The following CSF2RB variants were observed in gnomAD, a reference collection of about 807,000 sequenced individuals.
CSF2RB encodes colony stimulating factor 2 receptor subunit beta, also known as cytokine receptor common subunit beta.
In CSF2RB, 22 loss-of-function variants were observed where a neutral mutation model predicts 67.2. That is an observed-to-expected ratio of 0.33 (90% CI 0.23 to 0.47). The LOEUF is 0.47. Among genes scored for constraint, CSF2RB ranks in the 20% least tolerant of loss-of-function variants. CSF2RB has a pLI of 1.00. For missense variants in CSF2RB, 1,113 were observed against 1,174.5 expected, an observed-to-expected ratio of 0.95 and a Z score of 0.76; for synonymous variants, 507 against 482.9, an observed-to-expected ratio of 1.05 and a Z score of -0.65.
At chr22:36,928,386 G>A (rs912552820) in intron 4 of CSF2RB, among the ~76,000 whole-genome samples, 2 of 152,162 alleles carry the variant, frequency 1.3e-5, no homozygotes, top group Non-Finnish European at 1.5e-5. Flanking sequence ...GGCTGGGAGT[G>A]CAGTGACCCA....
In CSF2RB at chr22:36,922,382, C is replaced by T. The variant is rs773530371; in HGVS notation, c.76+99C>T. The T allele has an allele frequency of 1.8e-5, 21 of 1,141,910 alleles. 1 individual carries two copies. The highest frequency in any genetic ancestry group is 2.4e-5 in the Non-Finnish European group (19 of 780,822). The allele number at this position is 1,141,910 out of a possible 1,614,324, so 70.7% of individuals were successfully genotyped here. A position where few individuals can be genotyped will look rare whatever the true frequency, so the allele number is the denominator to read the frequency against. On this transcript the variant is annotated intron_variant, in intron 2 of 13. Transcript: ENST00000403662. Reference sequence around the variant, plus strand: ...ATCCTCAGGATCCTGCCCGCCAGCCCTCCTCCTGCTCCCCTCCCTCTGTCT... The same window carrying T: ...ATCCTCAGGATCCTGCCCGCCAGCCTTCCTCCTGCTCCCCTCCCTCTGTCT...
chr22:36,935,413 C>T lies in CSF2RB; in HGVS notation c.1378C>T (p.Leu460Phe), dbSNP rs139657532. Residue 460 changes from leucine (L) to phenylalanine (F), a missense_variant, in exon 11 of 14, where the codon CTC becomes TTC. Coordinates refer to ENST00000403662, the MANE Select transcript of CSF2RB (RefSeq NM_000395.3). ...IFLTIAVLLA[L>F]RFCGIYGYRL... ...CCTCACCATCGCTGTGCTCCTGGCC[C>T]TCCGCTTCTGTGGCATCTACGGGTA... 2.5e-6 allele frequency: 4 copies of T among 1,614,222 alleles called. No individual in the cohort carries two copies. The South Asian group carries it at 3.3e-5, about 13-fold the overall frequency.
intron 12 of CSF2RB, 135 bp from the exon 13 acceptor site, chr22:36,936,414 G>T (rs1941266736): frequency 2.7e-6 from 2 of 736,552 alleles, no homozygotes; most frequent in Non-Finnish European, 4.8e-6. Flanking sequence ...AAAGGCCGTG[G>T]CCAGTCCTGA....
chr22:36,922,575 C>T (rs1940903505), intron 2 of CSF2RB: 1 of 551,106 alleles, frequency 1.8e-6, no homozygotes, highest in Non-Finnish European at 3.3e-6. Context: ...CGTTTCCCTG[C>T]CCCTCCTTCC....
chr22:36,921,491 G>T (rs1405145567), intron 1 of CSF2RB, among the ~76,000 whole-genome samples: 2 of 152,006 alleles, frequency 1.3e-5, no homozygotes, highest in South Asian at 2.1e-4. Flanking sequence ...GTTTGCATGG[G>T]CATCTTGAGT....
chr22:36,925,853 A>G, intron 3 of CSF2RB, 134 bp from the exon 4 acceptor site: 1 of 966,120 alleles, frequency 1.0e-6, no homozygotes, highest in Non-Finnish European at 1.6e-6. Flanking sequence ...CTCCGTGGGC[A>G]GGATTTTTGT....
chr22:36,930,305 C>T (rs1006942388), intron 6 of CSF2RB, 70 bp from the exon 7 acceptor site: 26 of 1,604,742 alleles, frequency 1.6e-5, no homozygotes, highest in Admixed American at 5.0e-5. Flanking sequence ...ATGAATCACA[C>T]GGTGGGCACC....
Position 36,923,336 on chromosome 22 carries a change from G to A in CSF2RB, c.169G>A (p.Val57Ile), listed in dbSNP as rs368852888. The A allele has an allele frequency of 5.5e-5, 88 of 1,614,150 alleles. No homozygotes were observed. The highest frequency in any genetic ancestry group is 1.3e-4 in the Admixed American group (8 of 60,026). ...AGACACCCAGGATGCCCAGCGGCTCGTCAACGTGACCCTCATTCGCCGGGT... is the reference window on the plus strand; with the variant it reads ...AGACACCCAGGATGCCCAGCGGCTCATCAACGTGACCCTCATTCGCCGGGT... ...WADTQDAQRL[V>I]NVTLIRRVNE... The change falls in exon 3 of 14, where the codon GTC becomes ATC. Residue 57 changes from valine to isoleucine, a missense_variant. Val to Ile is a conservative substitution (Grantham distance 29). Transcript: ENST00000403662.
At position 36,935,652 on chromosome 22, in the gene CSF2RB, A is replaced by G. The variant is rs763299882; in HGVS notation, c.1429A>G (p.Lys477Glu). The change falls in exon 12 of 14, where the codon AAG becomes GAG. Residue 477 changes from lysine to glutamate, a missense_variant. Physicochemically the swap from Lys to Glu is moderately conservative, Grantham distance 56. Around this residue, in one of 2 missense-constraint regions of CSF2RB, gnomAD observed 559 missense variants for 656.5 expected, o/e 0.85. Transcript: ENST00000403662. The part of the protein sequence containing the change: ...GYRLRRKWEE[K>E]IPNPSKSHLF... The stretch of plus-strand genomic sequence containing the variant: ...CAGGCTGCGCAGAAAGTGGGAGGAG[A>G]AGATCCCCAACCCCAGCAAGAGCCA... 14 of 1,614,044 alleles carry G rather than the reference A, an allele frequency of 8.7e-6. No individual in the cohort carries two copies. The Admixed American group carries it at 2.3e-4, about 27-fold the overall frequency.
intron 1 of CSF2RB, among the ~76,000 whole-genome samples, chr22:36,914,141 A>AGAT (rs1285620106): frequency 6.6e-6 from 1 of 152,100 alleles, no homozygotes; most frequent in Non-Finnish European, 1.5e-5. Flanking sequence ...ATCTTGGTTT[A>AGAT]GAAAGAGAGA....
In CSF2RB at chr22:36,935,614, C is replaced by G; in HGVS notation, c.1407-16C>G. ...ATGAGGTCTCTGATGGCTGTCACCT[C>G]CGTGGTGTCTTCCAGGCTGCGCAGA... is the stretch of plus-strand genomic sequence containing the variant. On this transcript the variant is annotated splice_polypyrimidine_tract_variant and intron_variant, in intron 11 of 13. Coordinates refer to ENST00000403662, the MANE Select transcript of CSF2RB (RefSeq NM_000395.3). 1 of 1,614,182 alleles carries G rather than the reference C, an allele frequency of 6.2e-7. No homozygotes were observed. The highest frequency in any genetic ancestry group is 8.5e-7 in the Non-Finnish European group (1 of 1,180,030).
At chr22:36,936,681 CT>C in intron 13 of CSF2RB, 29 bp downstream of exon 13, 1 of 1,580,192 alleles carries the variant, frequency 6.3e-7, no homozygotes, top group Non-Finnish European at 8.7e-7. Context: ...CACTCCTGAC[CT>C]TTGGGGTTCA....
chr22:36,936,687 G>A (rs771345228), intron 13 of CSF2RB, 35 bp downstream of exon 13: 5 of 1,556,056 alleles, frequency 3.2e-6, no homozygotes, highest in South Asian at 1.1e-5. Context: ...TGACCTTTGG[G>A]GTTCATACGG....
At chr22:36,918,018 A>T (rs1263176493) in intron 1 of CSF2RB, among the ~76,000 whole-genome samples, 2 of 152,108 alleles carry the variant, frequency 1.3e-5, no homozygotes, top group Non-Finnish European at 1.5e-5. Context: ...ACAAGAGGAG[A>T]TCTTTAGCAA....
intron 1 of CSF2RB, among the ~76,000 whole-genome samples, chr22:36,917,883 A>T (rs1033848467): frequency 3.9e-5 from 6 of 151,930 alleles, no homozygotes; most frequent in Non-Finnish European, 1.5e-5. Context: ...AGATCATGCC[A>T]TTGCACTCCA....
At chr22:36,930,084 T>C (rs1259439455) in intron 6 of CSF2RB, among the ~76,000 whole-genome samples, 1 of 152,234 alleles carries the variant, frequency 6.6e-6, no homozygotes, top group African/African-American at 2.4e-5. Flanking sequence ...TGTGTGTTAA[T>C]GGAGGCTACA....
At chr22:36,915,618 C>T (rs532696743) in intron 1 of CSF2RB, among the ~76,000 whole-genome samples, 1 of 152,268 alleles carries the variant, frequency 6.6e-6, no homozygotes, top group East Asian at 1.9e-4. Flanking sequence ...AATTTTTCCA[C>T]ATCTGTGAAA....
rs1941336127 is a variant in CSF2RB at position 36,939,112 on chromosome 22, A to C, written c.*610A>C. On this transcript the variant is annotated 3_prime_UTR_variant, in exon 14 of 14. Transcript: ENST00000403662. ...CTAGCCTCGATTGTCACTCCGAGAA[A>C]TGGGCATGGTATTGGGGGTCGGGGG... 3 of 702,010 alleles carry C rather than the reference A, an allele frequency of 4.3e-6. No individual in the cohort carries two copies. Among genetic ancestry groups the C allele is most frequent in the Non-Finnish European group, 5.2e-6 (2 of 384,552 alleles). 43.5% of individuals were successfully genotyped at this position (702,010 alleles called of 1,614,324 possible). A position where few individuals can be genotyped will look rare whatever the true frequency, so the allele number is the denominator to read the frequency against.
chr22:36,932,722 AG>A (rs1476389691), intron 8 of CSF2RB, 42 bp from the exon 9 acceptor site: 2 of 1,604,850 alleles, frequency 1.2e-6, no homozygotes, highest in African/African-American at 1.3e-5. Flanking sequence ...GTTCCGTTGG[AG>A]GGTGGGTATG....
Sources: allele counts gnomAD v4.1 joint callset (sites outside exome capture counted in the v4.1 genomes callset), GRCh38; gene constraint gnomAD v4.1.1; regional missense constraint gnomAD v4.1.1; transcripts MANE v1.5; gene names NCBI Gene and HGNC (gene_info 2026-07-23, HGNC 2026-07-21).